ATP13A5: variants seen among roughly 807,000 people sequenced by gnomAD.
ATP13A5 encodes the protein ATPase 13A5, also known as probable cation-transporting ATPase 13A5.
Under a neutral mutation model 150.2 loss-of-function variants are expected in ATP13A5, and 149 were observed. The ratio of observed to expected loss-of-function variants is 0.99; its 90% CI spans 0.87 to 1.14. The LOEUF is 1.14. Among genes scored for constraint, ATP13A5 ranks in the 50% most tolerant of loss-of-function variants. ATP13A5 has a pLI of 0.00. For missense variants in ATP13A5, 1,383 were observed against 1,449.3 expected (o/e 0.95, Z 0.74); for synonymous variants, 497 against 522.2 (o/e 0.95, Z 0.66).
At chr3:193,305,028 C>A (rs1344060691) in intron 23 of ATP13A5, among the ~76,000 whole-genome samples, 1 of 152,122 alleles carries the variant, frequency 6.6e-6, no homozygotes, top group Non-Finnish European at 1.5e-5. Flanking sequence ...AGTCAACAGG[C>A]TGGGAACCAC....
At position 193,289,273 on chromosome 3, in the gene ATP13A5, A is replaced by C. The variant is rs9860416; in HGVS notation, c.3023+612T>G. 1.4e-3 allele frequency among the ~76,000 whole-genome samples: 213 copies of C among 152,250 alleles called. 2 individuals carry two copies. The highest frequency in any genetic ancestry group is 5.0e-3 in the African/African-American group (209 of 41,558). On this transcript the variant is annotated intron_variant, in intron 26 of 29. Transcript: ENST00000342358. ...AAAAACATTAAAGCCCAGGGAGGTA[A>C]AGAGACTTGTCCTGATTCTAGTCCA...
intron 9 of ATP13A5, among the ~76,000 whole-genome samples, chr3:193,343,430 C>T (rs1712203320): frequency 6.6e-6 from 1 of 152,178 alleles, no homozygotes; most frequent in Non-Finnish European, 1.5e-5. Flanking sequence ...ACTGTGCGAT[C>T]GTCTTTGCCC....
chr3:193,345,928 TGTAA>T (rs1464845502), intron 7 of ATP13A5, among the ~76,000 whole-genome samples: 2 of 152,018 alleles, frequency 1.3e-5, no homozygotes, highest in African/African-American at 4.8e-5. Context: ...GCTTTCTGCT[TGTAA>T]GTGTCTGTGA....
At chr3:193,333,949 G>T in intron 10 of ATP13A5, 42 bp from the exon 11 acceptor site, 1 of 1,575,790 alleles carries the variant, frequency 6.3e-7, no homozygotes, top group Non-Finnish European at 8.6e-7. Context: ...CTGCTTGATG[G>T]ACACTTGGTC....
intron 25 of ATP13A5, 46 bp downstream of exon 25, chr3:193,299,085 C>T: frequency 6.8e-7 from 1 of 1,467,468 alleles, no homozygotes; most frequent in Non-Finnish European, 9.3e-7. Context: ...TCTAGAATTT[C>T]ATAGATAAAT....
rs770923090 is a variant in ATP13A5, at chr3:193,275,117, G to T, written c.3582C>A (p.Ser1194Arg). ...NGFYINGGYE[S>R]HEQIPKRKLK... ...GTTTTCTTTTTGGAATCTGTTCATG[G>T]CTTTCATAGCCTCCGTTGATGTAGA... Residue 1194 changes from serine to arginine, a missense_variant, in exon 30 of 30, where the codon AGC (serine) becomes AGA (arginine). Coordinates refer to ENST00000342358, the MANE Select transcript of ATP13A5 (RefSeq NM_198505.4). The T allele has an allele frequency of 1.6e-5, 26 of 1,614,038 alleles. No homozygotes were observed. The highest frequency in any genetic ancestry group is 2.7e-5 in the African/African-American group (2 of 74,900).
chr3:193,301,070 G>A (rs2108839599), intron 24 of ATP13A5, 141 bp downstream of exon 24: 1 of 723,112 alleles, frequency 1.4e-6, no homozygotes, highest in Non-Finnish European at 2.4e-6. Context: ...GTTACACCAG[G>A]TTCCTGAGTT....
At chr3:193,370,843 GA>G (rs1387053793) in intron 1 of ATP13A5, among the ~76,000 whole-genome samples, 1 of 152,082 alleles carries the variant, frequency 6.6e-6, no homozygotes, top group Non-Finnish European at 1.5e-5. Context: ...AACAGTCTTG[GA>G]AATGTATGTT....
Position 193,354,139 on chromosome 3 carries a change from C to A in ATP13A5, c.594G>T (p.Leu198=). Residue 198 remains leucine (L), a synonymous_variant, in exon 6 of 30, where the codon CTG becomes CTT. Coordinates refer to ENST00000342358, the MANE Select transcript of ATP13A5 (RefSeq NM_198505.4). ...IEVEIQPIWK[L]LVKQVLNPFY... ...AGAAAACAGTTACCTGTTTAACAAGCAGCTTCCATATGGGTTGGATTTCAA... is the reference window on the plus strand; with the variant it reads ...AGAAAACAGTTACCTGTTTAACAAGAAGCTTCCATATGGGTTGGATTTCAA... The A allele has an allele frequency of 6.2e-7, 1 of 1,606,936 alleles. No homozygotes were observed. The highest frequency in any genetic ancestry group is 8.5e-7 in the Non-Finnish European group (1 of 1,178,192).
chr3:193,371,005 G>A (rs565748288), intron 1 of ATP13A5, among the ~76,000 whole-genome samples: 23 of 152,266 alleles, frequency 1.5e-4, no homozygotes, highest in Admixed American at 1.3e-4. Context: ...CATAACAAGA[G>A]TGCTAACATA....
At chr3:193,338,875 TG>T (rs1291004396) in intron 9 of ATP13A5, among the ~76,000 whole-genome samples, 1 of 152,210 alleles carries the variant, frequency 6.6e-6, no homozygotes. Context: ...GGACTTTTTT[TG>T]GTTGGTAGGC....
chr3:193,326,749 C>A (rs570270931), intron 13 of ATP13A5, among the ~76,000 whole-genome samples: 1 of 152,160 alleles, frequency 6.6e-6, no homozygotes, highest in South Asian at 2.1e-4. Flanking sequence ...CTGTTTTATT[C>A]ATTTAGTTCC....
chr3:193,374,275 T>TGC (rs1177978751), intron 1 of ATP13A5, among the ~76,000 whole-genome samples: 77 of 118,794 alleles, frequency 6.5e-4, no homozygotes, highest in Admixed American at 2.7e-3. Context: ...TGCATGTATT[T>TGC]GCACACACAC....
At chr3:193,299,279 T>C in intron 24 of ATP13A5, 76 bp from the exon 25 acceptor site, 1 of 1,202,110 alleles carries the variant, frequency 8.3e-7, no homozygotes, top group Non-Finnish European at 1.2e-6. Flanking sequence ...ACACTCTTTT[T>C]AAGTCGTTAG....
In ATP13A5 at chr3:193,289,985, G is replaced by A. The variant is rs1422356927; in HGVS notation, c.2923C>T (p.Leu975Phe). The A allele has an allele frequency of 6.2e-7, 1 of 1,612,934 alleles. No individual in the cohort carries two copies. ...AGQLLSPPLL[L>F]SIFLNSCFSC... ...AAACAGGAATTCAAAAATATTGAAA[G>A]CAGTAAAGGGGGAGAAAGGAGCTGT... is the stretch of plus-strand genomic sequence containing the variant. The change falls in exon 26 of 30, where the codon CTT becomes TTT. Residue 975 changes from leucine (L) to phenylalanine (F), a missense_variant. Leu to Phe is a conservative substitution (Grantham distance 22, BLOSUM62 0). This residue lies in a region of ATP13A5 where 568 missense variants were observed against 621.5 expected (regional missense o/e 0.91). Coordinates refer to ENST00000342358, the MANE Select transcript of ATP13A5 (RefSeq NM_198505.4).
intron 9 of ATP13A5, among the ~76,000 whole-genome samples, chr3:193,339,139 G>A (rs1042818464): frequency 1.3e-5 from 2 of 151,326 alleles, no homozygotes; most frequent in Admixed American, 6.6e-5. Flanking sequence ...TTCTTTATTA[G>A]TCTTGCTAGC....
rs777835423 is a variant in ATP13A5, at chr3:193,290,073, A to G, written c.2849-14T>C. ...GAGTTGAACTCACTGAAAGACAAAT[A>G]CATTTTTTTCCTATTACAATCTTAT... On this transcript the variant is annotated splice_polypyrimidine_tract_variant and intron_variant, in intron 25 of 29. Coordinates refer to ENST00000342358, the MANE Select transcript of ATP13A5 (RefSeq NM_198505.4). The G allele has an allele frequency of 6.3e-7, 1 of 1,587,266 alleles. No homozygotes were observed. Among genetic ancestry groups the G allele is most frequent in the Admixed American group, 1.9e-5 (1 of 53,952 alleles).
intron 12 of ATP13A5, among the ~76,000 whole-genome samples, chr3:193,328,217 T>C (rs962819857): frequency 4.6e-5 from 7 of 152,236 alleles, no homozygotes; most frequent in African/African-American, 1.7e-4. Flanking sequence ...AAGTGAATCA[T>C]ACGGGGTATG....
intron 27 of ATP13A5, among the ~76,000 whole-genome samples, chr3:193,279,846 A>G (rs1248182685): frequency 6.6e-6 from 1 of 151,910 alleles, no homozygotes; most frequent in Non-Finnish European, 1.5e-5. Context: ...AAGGCCTTCC[A>G]CAATCTGGTC....
Sources: allele counts gnomAD v4.1 joint callset (sites outside exome capture counted in the v4.1 genomes callset), GRCh38; gene constraint gnomAD v4.1.1; regional missense constraint gnomAD v4.1.1; transcripts MANE v1.5; gene names NCBI Gene and HGNC (gene_info 2026-07-23, HGNC 2026-07-21).